Variants in PRUNE2 observed in about 807,000 individuals in gnomAD.
The protein encoded by PRUNE2 is protein prune homolog 2.
Under a neutral mutation model 252.0 loss-of-function variants are expected in PRUNE2, and 164 were observed. The ratio of observed to expected loss-of-function variants is 0.65; its 90% CI spans 0.57 to 0.74. The LOEUF is 0.74. PRUNE2 is among the 30% of genes least tolerant of loss of function. PRUNE2 has a pLI of 0.00. For missense variants in PRUNE2, 3,495 were observed against 3,711.0 expected (o/e 0.94, Z 1.51); for synonymous variants, 1,292 against 1,350.2 (o/e 0.96, Z 0.94).
At chr9:76,749,702 C>T (rs1391288444) in intron 6 of PRUNE2, among the ~76,000 whole-genome samples, 1 of 152,066 alleles carries the variant, frequency 6.6e-6, no homozygotes, top group Non-Finnish European at 1.5e-5. Flanking sequence ...GTGAGCAGAC[C>T]CCAGTTTGGT....
At chr9:76,652,225 C>G in intron 11 of PRUNE2, 1 of 341,564 alleles carries the variant, frequency 2.9e-6, no homozygotes, top group South Asian at 8.2e-5. Context: ...TAACAGTCTT[C>G]CCTCAGCCCC....
rs754979911 is a variant in PRUNE2 at position 76,710,678 on chromosome 9, G to C, written c.1596C>G (p.Leu532=). 20 of 1,612,390 alleles carry C rather than the reference G, an allele frequency of 1.2e-5. No homozygotes were observed. The highest frequency in any genetic ancestry group is 1.6e-5 in the Non-Finnish European group (19 of 1,179,146). Residue 532 remains leucine (L), a synonymous_variant, in exon 8 of 19, where the codon CTC becomes CTG. Coordinates refer to ENST00000376718, the MANE Select transcript of PRUNE2 (RefSeq NM_015225.3). ...CATCAAGTCCTTCAGGCCCAGCGGG[G>C]AGCTGTCCTTCTGACAGGTCACTGT... ...FPNSDLSEGQ[L]PAGPEGLDGM...
At position 76,754,977 on chromosome 9, in the gene PRUNE2, A is replaced by C. The variant is rs7848764; in HGVS notation, c.757-41256T>G. 1.2e-3 allele frequency among the ~76,000 whole-genome samples: 162 copies of C among 140,082 alleles called. 1 individual carries two copies. Among genetic ancestry groups the C allele is most frequent in the African/African-American group, 3.8e-3 (137 of 35,792 alleles). 91.9% of individuals were successfully genotyped at this position (140,082 alleles called of 152,430 possible). ...GAGACTCGGTCTCAAAAAAAAAAAAAAAAAAAAAAAACCCAAAAAAACAAA... is the reference window on the plus strand; with the variant it reads ...GAGACTCGGTCTCAAAAAAAAAAAACAAAAAAAAAAACCCAAAAAAACAAA... On this transcript the variant is annotated intron_variant, in intron 6 of 18. Transcript: ENST00000376718.
chr9:76,798,390 G>A (rs188951938), intron 6 of PRUNE2, among the ~76,000 whole-genome samples: 9 of 152,194 alleles, frequency 5.9e-5, no homozygotes, highest in Non-Finnish European at 1.5e-5. Flanking sequence ...TACTGTATTT[G>A]CCTTTCTGTA....
intron 18 of PRUNE2, among the ~76,000 whole-genome samples, chr9:76,615,630 G>A (rs1829093095): frequency 6.6e-6 from 1 of 152,132 alleles, no homozygotes; most frequent in Non-Finnish European, 1.5e-5. Context: ...AAATGGAACG[G>A]TCATACCGCT....
At chr9:76,764,910 G>A (rs1437223448) in intron 6 of PRUNE2, among the ~76,000 whole-genome samples, 1 of 152,132 alleles carries the variant, frequency 6.6e-6, no homozygotes, top group Non-Finnish European at 1.5e-5. Context: ...ACAGACTCTG[G>A]CACATAGAAG....
intron 2 of PRUNE2, among the ~76,000 whole-genome samples, chr9:76,853,650 G>A (rs930945678): frequency 5.9e-5 from 9 of 152,140 alleles, no homozygotes; most frequent in African/African-American, 9.7e-5. Context: ...TGTAATACTC[G>A]TCACTGAAAA....
intron 10 of PRUNE2, among the ~76,000 whole-genome samples, chr9:76,654,028 A>G (rs1041468899): frequency 1.3e-5 from 2 of 152,200 alleles, no homozygotes; most frequent in Non-Finnish European, 2.9e-5. Context: ...GAGGTCTTAA[A>G]ACCCTTGTCA....
intron 6 of PRUNE2, among the ~76,000 whole-genome samples, chr9:76,726,639 A>G (rs1319206689): frequency 2.0e-5 from 3 of 152,242 alleles, no homozygotes; most frequent in Non-Finnish European, 4.4e-5. Context: ...GAGAATGAAA[A>G]TTATGCTGAA....
intron 6 of PRUNE2, among the ~76,000 whole-genome samples, chr9:76,732,248 A>G (rs903710908): frequency 1.3e-5 from 2 of 152,246 alleles, no homozygotes; most frequent in Non-Finnish European, 2.9e-5. Context: ...CAGAGCTTGC[A>G]GTGAGCCGAG....
At chr9:76,789,834 T>G (rs2055383848) in intron 6 of PRUNE2, among the ~76,000 whole-genome samples, 2 of 152,178 alleles carry the variant, frequency 1.3e-5, no homozygotes, top group Non-Finnish European at 2.9e-5. Context: ...CATTAACATC[T>G]TGGTGGTCCC....
intron 6 of PRUNE2, among the ~76,000 whole-genome samples, chr9:76,800,837 A>G (rs960407078): frequency 2.6e-5 from 4 of 152,226 alleles, no homozygotes; most frequent in African/African-American, 9.6e-5. Flanking sequence ...CAAACACTGA[A>G]TAACATCTGA....
chr9:76,880,708 A>T (rs10869840), intron 1 of PRUNE2, among the ~76,000 whole-genome samples: 2 of 152,174 alleles, frequency 1.3e-5, no homozygotes, highest in Admixed American at 6.5e-5. Context: ...AAGACGAAGC[A>T]TTATCTAGAA....
At chr9:76,896,791 G>A (rs12553295) in intron 1 of PRUNE2, among the ~76,000 whole-genome samples, 16,578 of 152,130 alleles carry the variant, frequency 0.11, 1,107 homozygotes, top group South Asian at 0.23. Context: ...CATCAAAGTG[G>A]TATTTAAGGC....
chr9:76,885,890 T>C (rs1049359899), intron 1 of PRUNE2, among the ~76,000 whole-genome samples: 1 of 152,076 alleles, frequency 6.6e-6, no homozygotes, highest in Non-Finnish European at 1.5e-5. Flanking sequence ...AAAGAATCTA[T>C]GCAATGCGGC....
intron 10 of PRUNE2, 40 bp downstream of exon 10, chr9:76,655,383 C>T: frequency 4.2e-6 from 6 of 1,427,610 alleles, no homozygotes; most frequent in Non-Finnish European, 5.9e-6. Flanking sequence ...CGTTGGGATA[C>T]AGAATACCAA....
chr9:76,746,560 CCGGGCGCGGTGG>C lies in PRUNE2; in HGVS notation c.757-32851_757-32840del, dbSNP rs554833719. On this transcript the variant is annotated intron_variant, in intron 6 of 18. Transcript: ENST00000376718. ...CTCTACTAAAAATACAAAAAATTAG[CCGGGCGCGGTGG>C]CGGGCGCCTGTAGTCCCAGCTACTG... Among the ~76,000 whole-genome samples, 16 of 151,436 alleles carry C rather than the reference CCGGGCGCGGTGG, an allele frequency of 1.1e-4. No homozygotes were observed. The East Asian group carries it at 2.9e-3, about 28-fold the overall frequency.
chr9:76,723,893 C>T (rs1414294567), intron 6 of PRUNE2, among the ~76,000 whole-genome samples: 1 of 150,970 alleles, frequency 6.6e-6, no homozygotes, highest in African/African-American at 2.4e-5. Flanking sequence ...CTGCAAGCTC[C>T]GCCTTCTGGG....
chr9:76,710,132 AC>A lies in PRUNE2; in HGVS notation c.2141del (p.Gly714ValfsTer48). On this transcript the variant is annotated frameshift_variant, in exon 8 of 19. Transcript: ENST00000376718. LOFTEE classifies it high-confidence loss of function. Reference sequence around the variant, plus strand: ...GCTGACCAAATTCAGACTCCCAGGGACCTGACTTTGTAAATTCGAGGCTCTT... The same window carrying A: ...GCTGACCAAATTCAGACTCCCAGGGACTGACTTTGTAAATTCGAGGCTCTT... ...QPKSLEFTKS[G>X]PWESEFGQPE... 1 of 1,613,854 alleles carries A rather than the reference AC, an allele frequency of 6.2e-7. No individual in the cohort carries two copies. Among genetic ancestry groups the A allele is most frequent in the Middle Eastern group, 1.6e-4 (1 of 6,062 alleles).
Sources: gnomAD v4.1 joint callset for allele counts (sites outside exome capture counted in the v4.1 genomes callset) on GRCh38, gnomAD v4.1.1 for gene constraint, MANE v1.5 for transcripts, NCBI Gene and HGNC (gene_info 2026-07-23, HGNC 2026-07-21) for gene names.